PIP4K2A: variants seen among roughly 807,000 people sequenced by gnomAD.
The protein encoded by PIP4K2A is phosphatidylinositol 5-phosphate 4-kinase type-2 alpha.
Under a neutral mutation model 42.9 loss-of-function variants are expected in PIP4K2A, and 14 were observed. The observed-to-expected ratio is 0.33, with a 90% CI of 0.22 to 0.51. The LOEUF (loss-of-function observed/expected upper bound fraction) is 0.51. Ranked by LOEUF, PIP4K2A falls within the 20% of genes least tolerant of loss-of-function variation. PIP4K2A has a pLI of 0.97. For synonymous variants in PIP4K2A, 192 were observed against 192.2 expected (o/e 1.00, Z 0.01); for missense variants, 434 against 519.8 (o/e 0.83, Z 1.61).
At chr10:22,561,901 T>A (rs1836714476) in intron 6 of PIP4K2A, among the ~76,000 whole-genome samples, 1 of 152,184 alleles carries the variant, frequency 6.6e-6, no homozygotes, top group Non-Finnish European at 1.5e-5. Flanking sequence ...ATAACGATCA[T>A]TTGGAAAGGA....
At chr10:22,603,464 A>G (rs967179017) in intron 3 of PIP4K2A, among the ~76,000 whole-genome samples, 2 of 152,042 alleles carry the variant, frequency 1.3e-5, no homozygotes, top group Admixed American at 1.3e-4. Flanking sequence ...GGGTATAAAC[A>G]TAAGAGACGA....
At chr10:22,665,815 T>C (rs953653127) in intron 1 of PIP4K2A, among the ~76,000 whole-genome samples, 9 of 151,608 alleles carry the variant, frequency 5.9e-5, no homozygotes, top group African/African-American at 2.2e-4. Context: ...TATATAGACA[T>C]ACACATATAT....
At chr10:22,713,284 AC>A (rs1833944178) in intron 1 of PIP4K2A, among the ~76,000 whole-genome samples, 1 of 152,142 alleles carries the variant, frequency 6.6e-6, no homozygotes, top group Non-Finnish European at 1.5e-5. Context: ...ACTGTGCGTG[AC>A]GCTAACCTTT....
At chr10:22,674,782 A>AAATAAAT (rs1839522175) in intron 1 of PIP4K2A, among the ~76,000 whole-genome samples, 2 of 148,404 alleles carry the variant, frequency 1.3e-5, no homozygotes, top group Admixed American at 1.3e-4. Flanking sequence ...TCTCTACCAA[A>AAATAAAT]AAATAAATAA....
chr10:22,671,389 T>C (rs1471103351), intron 1 of PIP4K2A, among the ~76,000 whole-genome samples: 2 of 152,178 alleles, frequency 1.3e-5, no homozygotes, highest in Non-Finnish European at 2.9e-5. Flanking sequence ...CTGGCACTTA[T>C]TAATGACTTG....
At chr10:22,632,658 G>A (rs1838573404) in intron 1 of PIP4K2A, among the ~76,000 whole-genome samples, 2 of 152,104 alleles carry the variant, frequency 1.3e-5, no homozygotes, top group South Asian at 4.1e-4. Context: ...TCATATCCCT[G>A]GCACCTAGCT....
chr10:22,631,950 G>A (rs111978659), intron 1 of PIP4K2A, among the ~76,000 whole-genome samples: 2,807 of 152,140 alleles, frequency 0.018, 93 homozygotes, highest in African/African-American at 0.063. Context: ...GAGATCAGTG[G>A]ACATCACGCG....
intron 4 of PIP4K2A, among the ~76,000 whole-genome samples, chr10:22,575,408 A>C (rs1837088562): frequency 6.6e-6 from 1 of 152,164 alleles, no homozygotes; most frequent in African/African-American, 2.4e-5. Flanking sequence ...ACCTTTACAG[A>C]ATCCCGCCAT....
chr10:22,574,466 A>G (rs1256026758), intron 4 of PIP4K2A, among the ~76,000 whole-genome samples: 1 of 143,256 alleles, frequency 7.0e-6, no homozygotes, highest in Admixed American at 7.0e-5. Flanking sequence ...TTTTACAATG[A>G]GCATTTTATA....
At chr10:22,612,524 A>G (rs1326337) in intron 1 of PIP4K2A, among the ~76,000 whole-genome samples, 149,059 of 152,324 alleles carry the variant, frequency 0.98, 72,947 homozygotes, top group East Asian at 1. Context: ...GGGATGAACA[A>G]CAGGCCCAGG....
At chr10:22,640,343 C>A (rs111280946) in intron 1 of PIP4K2A, among the ~76,000 whole-genome samples, 1 of 152,092 alleles carries the variant, frequency 6.6e-6, no homozygotes, top group Non-Finnish European at 1.5e-5. Flanking sequence ...CCAAAAGAAA[C>A]CTTAGCAACA....
intron 1 of PIP4K2A, among the ~76,000 whole-genome samples, chr10:22,635,468 G>T (rs1838642014): frequency 6.6e-6 from 1 of 152,328 alleles, no homozygotes; most frequent in South Asian, 2.1e-4. Context: ...ACAAAAGGCT[G>T]TGATAGTATT....
chr10:22,671,149 T>C (rs532271890), intron 1 of PIP4K2A, among the ~76,000 whole-genome samples: 183 of 152,286 alleles, frequency 1.2e-3, no homozygotes, highest in Non-Finnish European at 4.4e-5. Context: ...TCCACACATA[T>C]ATATATACCT....
At chr10:22,705,426 TAAAAAAAAAA>T (rs150254345) in intron 1 of PIP4K2A, among the ~76,000 whole-genome samples, 34 of 29,268 alleles carry the variant, frequency 1.2e-3, no homozygotes, top group South Asian at 2.0e-3. Context: ...GTACCCCAGT[TAAAAAAAAAA>T]AAAAAAAAAA....
In PIP4K2A at chr10:22,644,782, G is replaced by GACCT. The variant is rs535200492; in HGVS notation, c.145-35069_145-35066dup. Among the ~76,000 whole-genome samples the GACCT allele has an allele frequency of 2.6e-3, 403 of 152,236 alleles. 1 individual carries two copies. The highest frequency in any genetic ancestry group is 8.8e-3 in the African/African-American group (365 of 41,526). On this transcript the variant is annotated intron_variant, in intron 1 of 9. Transcript: ENST00000376573. ...TTTTTCCCTAGTGTGTATCTTCTAG[G>GACCT]ACCTACACTTGTGCCAGGTAATTAG...
In PIP4K2A at chr10:22,714,421, G is replaced by A; in HGVS notation, c.-95C>T. ...CCGGGGAGGCAGCCGCATCCCCCCG[G>A]CGGCGGCCCCGGCGCGCCGCGCTCC... On this transcript the variant is annotated 5_prime_UTR_variant, in exon 1 of 10. Coordinates refer to ENST00000376573, the MANE Select transcript of PIP4K2A (RefSeq NM_005028.5). 2 of 898,472 alleles carry A rather than the reference G, an allele frequency of 2.2e-6. No individual in the cohort carries two copies. Among genetic ancestry groups the A allele is most frequent in the Non-Finnish European group, 2.7e-6 (2 of 729,194 alleles). 55.7% of individuals were successfully genotyped at this position (898,472 alleles called of 1,614,324 possible). A position where few individuals can be genotyped will look rare whatever the true frequency, so the allele number is the denominator to read the frequency against.
At chr10:22,588,106 T>G (rs1282070401) in intron 4 of PIP4K2A, among the ~76,000 whole-genome samples, 1 of 152,234 alleles carries the variant, frequency 6.6e-6, no homozygotes, top group African/African-American at 2.4e-5. Context: ...TTTGCTGAGA[T>G]GTATATGAGT....
At chr10:22,567,819 G>C (rs781730019) in intron 6 of PIP4K2A, 32 bp downstream of exon 6, 1 of 1,571,744 alleles carries the variant, frequency 6.4e-7, no homozygotes, top group Admixed American at 1.7e-5. Flanking sequence ...CATGCCCCCA[G>C]GACATGGGGA....
At chr10:22,658,134 T>C (rs1839138053) in intron 1 of PIP4K2A, among the ~76,000 whole-genome samples, 1 of 152,262 alleles carries the variant, frequency 6.6e-6, no homozygotes, top group Non-Finnish European at 1.5e-5. Flanking sequence ...ACTTCCTTTG[T>C]TGATCTTCTC....
Sources: gnomAD v4.1 joint callset for allele counts (sites outside exome capture counted in the v4.1 genomes callset) on GRCh38, gnomAD v4.1.1 for gene constraint, MANE v1.5 for transcripts, NCBI Gene and HGNC (gene_info 2026-07-23, HGNC 2026-07-21) for gene names.